ZW10: variants seen among roughly 807,000 people sequenced by gnomAD.
ZW10 encodes centromere/kinetochore protein zw10 homolog.
ZW10 carries 53 observed loss-of-function variants against 87.8 expected under a neutral mutation model. The observed-to-expected ratio is 0.60, with a 90% CI of 0.48 to 0.76. The LOEUF is 0.76. Among genes scored for constraint, ZW10 ranks in the 30% least tolerant of loss-of-function variants. ZW10 has a pLI of 0.00. For missense variants in ZW10, 837 were observed against 923.0 expected, an observed-to-expected ratio of 0.91 and a Z score of 1.21; for synonymous variants, 312 against 329.2, an observed-to-expected ratio of 0.95 and a Z score of 0.57.
rs781495462 is a variant in ZW10 at position 113,757,822 on chromosome 11, C to T, written c.765G>A (p.Pro255=). 8.9e-5 allele frequency: 143 copies of T among 1,610,778 alleles called. 1 individual carries two copies. The South Asian group carries it at 1.3e-3, about 15-fold the overall frequency. Residue 255 remains proline (P), a synonymous_variant, in exon 7 of 16, where the codon CCG becomes CCA. Transcript: ENST00000200135. ...GQMLLKYILR[P]LASCPSLHAV... ...CATGAAGGGATGGGCAAGATGCCAG[C>T]GGCCTAAGGATATACTTCAGCAGCA...
rs2134860627 is a variant in ZW10, at chr11:113,733,625, T to C, written c.*69A>G. 1 of 1,606,326 alleles carries C rather than the reference T, an allele frequency of 6.2e-7. No homozygotes were observed. Among genetic ancestry groups the C allele is most frequent in the South Asian group, 1.1e-5 (1 of 90,216 alleles). On this transcript the variant is annotated 3_prime_UTR_variant, in exon 16 of 16. Transcript: ENST00000200135. ...AACCAATGGGCGATTCAAAGAAGTCTTTAAGGGAGTAATTATGCCAAGGGA... is the reference window on the plus strand; with the variant it reads ...AACCAATGGGCGATTCAAAGAAGTCCTTAAGGGAGTAATTATGCCAAGGGA...
At chr11:113,755,962 T>A (rs996180592) in intron 7 of ZW10, among the ~76,000 whole-genome samples, 2 of 152,190 alleles carry the variant, frequency 1.3e-5, no homozygotes, top group Non-Finnish European at 2.9e-5. Context: ...TAGACAACAG[T>A]ACAGTGTAAC....
At chr11:113,773,421 C>T in intron 1 of ZW10, 141 bp downstream of exon 1, 2 of 662,622 alleles carry the variant, frequency 3.0e-6, no homozygotes, top group Non-Finnish European at 2.5e-6. Context: ...TCATTCAGCC[C>T]CCACAACTAG....
chr11:113,739,281 C>A lies in ZW10; in HGVS notation c.1685G>T (p.Arg562Leu). The A allele has an allele frequency of 6.2e-7, 1 of 1,613,964 alleles. No homozygotes were observed. The highest frequency in any genetic ancestry group is 8.5e-7 in the Non-Finnish European group (1 of 1,179,948). Residue 562 changes from arginine (R) to leucine (L), a missense_variant, in exon 12 of 16, where the codon CGT becomes CTT. Physicochemically the swap from Arg to Leu is moderately radical, Grantham distance 102. Coordinates refer to ENST00000200135, the MANE Select transcript of ZW10 (RefSeq NM_004724.4). ...GCCATCACAAAGAATGGGGGCAAGA[C>A]GCAATCTGAACTGATGCCCGAGGGT... Reference protein sequence around the residue: ...LLTLGHQFRLRLAPILCDGTA... With the variant: ...LLTLGHQFRLLLAPILCDGTA...
rs147199383 is a variant in ZW10 at position 113,747,148 on chromosome 11, A to G, written c.1272+383T>C. Among the ~76,000 whole-genome samples the G allele has an allele frequency of 3.5e-3, 535 of 152,308 alleles. 3 individuals are homozygous for G. Among genetic ancestry groups the G allele is most frequent in the Non-Finnish European group, 5.2e-3 (354 of 68,014 alleles). On this transcript the variant is annotated intron_variant, in intron 9 of 15. Transcript: ENST00000200135. ...CTAGTCTCTCTATTAGATGAAGTCA[A>G]CACTTTCATAAGAGGATATAATTTC...
intron 8 of ZW10, 67 bp downstream of exon 8, chr11:113,748,190 A>G: frequency 2.1e-6 from 3 of 1,431,920 alleles, no homozygotes; most frequent in Non-Finnish European, 9.3e-7. Context: ...ATCTCCAAGG[A>G]AAAACAAAAG....
intron 2 of ZW10, among the ~76,000 whole-genome samples, chr11:113,767,596 T>A (rs1245743157): frequency 6.6e-6 from 1 of 152,120 alleles, no homozygotes; most frequent in Non-Finnish European, 1.5e-5. Context: ...CCTTCTCATA[T>A]CCTGGACTCA....
At chr11:113,766,045 T>C (rs1953904122) in intron 2 of ZW10, among the ~76,000 whole-genome samples, 2 of 152,158 alleles carry the variant, frequency 1.3e-5, no homozygotes, top group Admixed American at 1.3e-4. Flanking sequence ...CTGTCCTTCA[T>C]CTCTCACCAA....
intron 12 of ZW10, 120 bp downstream of exon 12, chr11:113,739,093 T>C: frequency 8.9e-7 from 1 of 1,118,738 alleles, no homozygotes; most frequent in Non-Finnish European, 1.3e-6. Context: ...GCCCTCCCAC[T>C]TTCTGATACA....
In ZW10 at chr11:113,738,410, A is replaced by G. The variant is rs758796269; in HGVS notation, c.1754-16T>C. ...CATTCTGTCCCTATGATGGAAAAAC[A>G]GAATAAAAAATTTTAAAAGCTGCTC... On this transcript the variant is annotated splice_polypyrimidine_tract_variant and intron_variant, in intron 12 of 15. Transcript: ENST00000200135. 3.2e-5 allele frequency: 51 copies of G among 1,603,520 alleles called. No homozygotes were observed. Among genetic ancestry groups the G allele is most frequent in the South Asian group, 2.0e-4 (18 of 88,866 alleles).
intron 14 of ZW10, among the ~76,000 whole-genome samples, chr11:113,737,112 T>TA (rs1397099840): frequency 1.6e-4 from 25 of 152,308 alleles, no homozygotes; most frequent in Middle Eastern, 6.8e-3. Context: ...GGGATGTGAT[T>TA]ACAAATAGGG....
In ZW10 at chr11:113,757,751, G is replaced by C. The variant is rs148942056; in HGVS notation, c.836C>G (p.Ser279Cys). The part of the protein sequence containing the change: ...QPNIVIIRFE[S>C]IMTNLEYPSP... ...TGGATATTCCAAGTTAGTCATTATA[G>C]ATTCAAAACGAATAATAACTATGTT... Residue 279 changes from serine (S) to cysteine (C), a missense_variant, in exon 7 of 16, where the codon TCT becomes TGT. Physicochemically the swap from Ser to Cys is moderately radical, Grantham distance 112 (BLOSUM62 -1). Transcript: ENST00000200135. The C allele has an allele frequency of 6.2e-7, 1 of 1,613,518 alleles. No homozygotes were observed. Among genetic ancestry groups the C allele is most frequent in the African/African-American group, 1.3e-5 (1 of 74,904 alleles).
At chr11:113,745,867 G>A (rs1025482122) in intron 9 of ZW10, among the ~76,000 whole-genome samples, 2 of 152,214 alleles carry the variant, frequency 1.3e-5, no homozygotes, top group African/African-American at 4.8e-5. Flanking sequence ...TTTAGAAAAG[G>A]GAAGAGGAGC....
chr11:113,759,007 C>G (rs988612532), intron 5 of ZW10, among the ~76,000 whole-genome samples: 1 of 152,116 alleles, frequency 6.6e-6, no homozygotes, highest in African/African-American at 2.4e-5. Context: ...GACGCTGTCT[C>G]TAACAAAAAA....
At chr11:113,759,738 T>C (rs1953836808) in intron 5 of ZW10, among the ~76,000 whole-genome samples, 2 of 152,092 alleles carry the variant, frequency 1.3e-5, no homozygotes, top group Non-Finnish European at 1.5e-5. Context: ...GGAAAGAAAT[T>C]GAGCAAGACC....
intron 7 of ZW10, among the ~76,000 whole-genome samples, chr11:113,755,265 T>C (rs1953772114): frequency 2.0e-5 from 3 of 152,210 alleles, no homozygotes; most frequent in Admixed American, 2.0e-4. Context: ...ATTAAAAGCA[T>C]TCATGATTCA....
rs771796548 is a variant in ZW10, at chr11:113,739,207, A to G, written c.1753+6T>C. The G allele has an allele frequency of 2.5e-6, 4 of 1,613,422 alleles. No homozygotes were observed. The South Asian group carries it at 4.4e-5, about 18-fold the overall frequency. ...TATGCTTTCCTACATTGAAAGTATC[A>G]GTTACCAAGTCTCCTGAAGCCAGGT... On this transcript the variant is annotated splice_donor_region_variant and intron_variant, in intron 12 of 15. Transcript: ENST00000200135.
chr11:113,762,925 T>C (rs1208642309), intron 2 of ZW10, among the ~76,000 whole-genome samples: 2 of 152,228 alleles, frequency 1.3e-5, no homozygotes, highest in Non-Finnish European at 2.9e-5. Flanking sequence ...ATGGGATACA[T>C]GTGCAGAACA....
intron 7 of ZW10, among the ~76,000 whole-genome samples, chr11:113,752,253 A>G (rs981212616): frequency 6.6e-6 from 1 of 152,096 alleles, no homozygotes; most frequent in Non-Finnish European, 1.5e-5. Flanking sequence ...CACACTGCAC[A>G]TGAACAAGAT....
Sources: allele counts gnomAD v4.1 joint callset (sites outside exome capture counted in the v4.1 genomes callset), GRCh38; gene constraint gnomAD v4.1.1; transcripts MANE v1.5; gene names NCBI Gene and HGNC (gene_info 2026-07-23, HGNC 2026-07-21).